KCNN3: variants seen among roughly 807,000 people sequenced by gnomAD.
KCNN3 encodes the protein potassium calcium-activated channel subfamily N member 3.
In KCNN3, 16 loss-of-function variants were observed where a neutral mutation model predicts 62.9. That is an observed-to-expected ratio of 0.25 (90% CI 0.17 to 0.39). The LOEUF (loss-of-function observed/expected upper bound fraction) is 0.39. KCNN3 is among the 10% of genes least tolerant of loss of function. The probability of loss-of-function intolerance (pLI) is 1.00; values close to 1 mark genes in which losing one functional copy is unlikely to be tolerated. For synonymous variants in KCNN3, 370 were observed against 389.2 expected, an observed-to-expected ratio of 0.95 and a Z score of 0.58; for missense variants, 599 against 949.4, an observed-to-expected ratio of 0.63 and a Z score of 4.85.
intron 3 of KCNN3, 57 bp downstream of exon 3, chr1:154,771,918 T>C: frequency 6.4e-7 from 1 of 1,569,708 alleles, no homozygotes; most frequent in Admixed American, 1.7e-5. Flanking sequence ...CCCCTACTCC[T>C]CCTCCCTTCC....
At chr1:154,732,973 G>A (rs370223506) in intron 4 of KCNN3, 30 bp downstream of exon 4, 2 of 1,613,422 alleles carry the variant, frequency 1.2e-6, no homozygotes, top group Middle Eastern at 1.7e-4. Context: ...ACATTTTAAG[G>A]GTAGGGAATG....
chr1:154,867,067 G>A (rs1652984533), intron 1 of KCNN3, among the ~76,000 whole-genome samples: 1 of 152,214 alleles, frequency 6.6e-6, no homozygotes, highest in Middle Eastern at 3.2e-3. Flanking sequence ...AAGAGAAGGT[G>A]CTGGGATTGC....
intron 1 of KCNN3, among the ~76,000 whole-genome samples, chr1:154,868,803 G>A (rs1034888190): frequency 2.0e-5 from 3 of 151,758 alleles, no homozygotes; most frequent in African/African-American, 7.3e-5. Flanking sequence ...GGATCAAGAA[G>A]GAAAACCACG....
chr1:154,736,965 CT>C lies in KCNN3; in HGVS notation c.1449-3822del. On this transcript the variant is annotated intron_variant, in intron 3 of 7. Transcript: ENST00000271915. ...TCTCTGGTGGGGGCTACGGAAGATGCTGAGATGAATTGGACATGCACCCTGC... is the reference window on the plus strand; with the variant it reads ...TCTCTGGTGGGGGCTACGGAAGATGCGAGATGAATTGGACATGCACCCTGC... 3 of 695,760 alleles carry C rather than the reference CT, an allele frequency of 4.3e-6. No homozygotes were observed. The South Asian group carries it at 4.5e-5, about 10-fold the overall frequency. 43.1% of individuals were successfully genotyped at this position (695,760 alleles called of 1,614,324 possible).
intron 2 of KCNN3, among the ~76,000 whole-genome samples, chr1:154,821,042 G>A (rs1571309127): frequency 1.3e-5 from 2 of 152,334 alleles, no homozygotes; most frequent in South Asian, 2.1e-4. Flanking sequence ...ACTCTCCCAT[G>A]CGCTCCTCAT....
At chr1:154,861,032 G>A (rs1232874997) in intron 1 of KCNN3, among the ~76,000 whole-genome samples, 1 of 140,408 alleles carries the variant, frequency 7.1e-6, no homozygotes, top group African/African-American at 2.7e-5. Context: ...TCGGCTCACT[G>A]CAACCTCCGC....
intron 2 of KCNN3, among the ~76,000 whole-genome samples, chr1:154,806,108 A>C (rs138814274): frequency 4.0e-4 from 61 of 152,282 alleles, no homozygotes; most frequent in African/African-American, 1.3e-3. Flanking sequence ...AAACAACAGG[A>C]AATGGGGCCG....
At chr1:154,827,166 G>A (rs904196182) in intron 1 of KCNN3, among the ~76,000 whole-genome samples, 2 of 152,134 alleles carry the variant, frequency 1.3e-5, no homozygotes, top group Admixed American at 6.5e-5. Flanking sequence ...ATCTAATAAG[G>A]TCAACTTTTC....
chr1:154,868,030 C>T, intron 1 of KCNN3: 1 of 985,526 alleles, frequency 1.0e-6, no homozygotes, highest in South Asian at 4.7e-5. Flanking sequence ...GCAGTGGGGC[C>T]AGCTCCCCGC....
intron 3 of KCNN3, among the ~76,000 whole-genome samples, chr1:154,753,721 C>G (rs913846466): frequency 1.3e-5 from 2 of 152,212 alleles, no homozygotes; most frequent in African/African-American, 4.8e-5. Flanking sequence ...TGGTGAAAAA[C>G]AGAAGAGGAT....
At chr1:154,833,297 C>T (rs1651446992) in intron 1 of KCNN3, among the ~76,000 whole-genome samples, 1 of 152,196 alleles carries the variant, frequency 6.6e-6, no homozygotes, top group Non-Finnish European at 1.5e-5. Flanking sequence ...TTTTAAGACA[C>T]CCAGAAATCA....
intron 7 of KCNN3, among the ~76,000 whole-genome samples, chr1:154,709,094 TGCACTCA>T (rs1426063333): frequency 1.3e-5 from 2 of 152,164 alleles, no homozygotes; most frequent in African/African-American, 2.4e-5. Flanking sequence ...GTACCCCTCC[TGCACTCA>T]GCACTGACTC....
At position 154,862,264 on chromosome 1, in the gene KCNN3, C is replaced by T. The variant is rs115798097; in HGVS notation, c.933+6768G>A. Among the ~76,000 whole-genome samples the T allele has an allele frequency of 5.1e-4, 77 of 152,260 alleles. No homozygotes were observed. Among genetic ancestry groups the T allele is most frequent in the African/African-American group, 1.8e-3 (73 of 41,540 alleles). ...CCTGTGCAGCCGAGTTTTCTCATCC[C>T]TGAGATAGTTGGTCATCATGAGCCC... On this transcript the variant is annotated intron_variant, in intron 1 of 7. Coordinates refer to ENST00000271915, the MANE Select transcript of KCNN3 (RefSeq NM_002249.6). This position sits in a 1 kb window ranked among gnomAD's most constrained non-coding sequence, Gnocchi z 4.1.
At chr1:154,788,733 C>A (rs148501912) in intron 2 of KCNN3, among the ~76,000 whole-genome samples, 1 of 152,210 alleles carries the variant, frequency 6.6e-6, no homozygotes, top group South Asian at 2.1e-4. Flanking sequence ...GCCACCTTCA[C>A]GTGCTTTTTA....
chr1:154,810,946 A>G (rs573613503), intron 2 of KCNN3, among the ~76,000 whole-genome samples: 2 of 152,372 alleles, frequency 1.3e-5, no homozygotes, highest in South Asian at 2.1e-4. Context: ...CACCAGCCAC[A>G]TGACTGTGGA....
At chr1:154,796,856 T>A (rs1173109358) in intron 2 of KCNN3, among the ~76,000 whole-genome samples, 1 of 152,268 alleles carries the variant, frequency 6.6e-6, no homozygotes, top group Non-Finnish European at 1.5e-5. Context: ...TGGCTTGTTT[T>A]CTTGAGGAAT....
intron 2 of KCNN3, among the ~76,000 whole-genome samples, chr1:154,821,280 G>C (rs770960201): frequency 3.3e-5 from 5 of 152,212 alleles, no homozygotes; most frequent in Non-Finnish European, 5.9e-5. Flanking sequence ...GGACCGGGAT[G>C]GTTTCCAGAT....
chr1:154,844,090 G>A (rs1216874889), intron 1 of KCNN3, among the ~76,000 whole-genome samples: 1 of 152,208 alleles, frequency 6.6e-6, no homozygotes, highest in African/African-American at 2.4e-5. Flanking sequence ...CCACCCAAGG[G>A]AGCAAATGAA....
intron 2 of KCNN3, among the ~76,000 whole-genome samples, chr1:154,789,239 C>T (rs1649410222): frequency 1.3e-5 from 2 of 152,324 alleles, no homozygotes; most frequent in South Asian, 2.1e-4. Flanking sequence ...CCTGCTTCCT[C>T]TTCGGTAGCT....
Sources: allele counts gnomAD v4.1 joint callset (sites outside exome capture counted in the v4.1 genomes callset), GRCh38; gene constraint gnomAD v4.1.1; non-coding constraint Gnocchi (gnomAD v3.1); transcripts MANE v1.5; gene names NCBI Gene and HGNC (gene_info 2026-07-23, HGNC 2026-07-21).